The following GIGYF2 variants were observed in gnomAD, a reference collection of about 807,000 sequenced individuals.
GIGYF2 encodes GRB10-interacting GYF protein 2.
In GIGYF2, 25 loss-of-function variants were observed where a neutral mutation model predicts 208.1. That is an observed-to-expected ratio of 0.12 (90% CI 0.09 to 0.17). The LOEUF is 0.17. Among genes scored for constraint, GIGYF2 ranks in the 10% least tolerant of loss-of-function variants. The pLI is 1.00. For synonymous variants in GIGYF2, 534 were observed against 543.8 expected, an observed-to-expected ratio of 0.98 and a Z score of 0.25; for missense variants, 1,302 against 1,579.4, an observed-to-expected ratio of 0.82 and a Z score of 2.98.
At chr2:232,758,742 C>T (rs989557588) in intron 6 of GIGYF2, among the ~76,000 whole-genome samples, 1 of 152,082 alleles carries the variant, frequency 6.6e-6, no homozygotes, top group Non-Finnish European at 1.5e-5. Flanking sequence ...TTATATGTTT[C>T]TGGAATAAAA....
At chr2:232,805,082 A>G (rs2106378728) in intron 14 of GIGYF2, among the ~76,000 whole-genome samples, 1 of 152,256 alleles carries the variant, frequency 6.6e-6, no homozygotes, top group South Asian at 2.1e-4. Context: ...CGAGCAGTAT[A>G]CACTGAATAT....
At chr2:232,754,791 T>C (rs1698467832) in intron 5 of GIGYF2, among the ~76,000 whole-genome samples, 1 of 152,130 alleles carries the variant, frequency 6.6e-6, no homozygotes, top group Admixed American at 6.5e-5. Flanking sequence ...AGAAATATAA[T>C]TTTTGAGTTT....
chr2:232,740,274 AT>A (rs1041412768), intron 3 of GIGYF2, among the ~76,000 whole-genome samples: 2 of 152,206 alleles, frequency 1.3e-5, no homozygotes, highest in Non-Finnish European at 2.9e-5. Flanking sequence ...CTGGGACAAC[AT>A]AGTGAGAACC....
At chr2:232,777,385 GTGC>G (rs1351577932) in intron 8 of GIGYF2, among the ~76,000 whole-genome samples, 1 of 152,162 alleles carries the variant, frequency 6.6e-6, no homozygotes, top group Non-Finnish European at 1.5e-5. Flanking sequence ...ACCCTGAAAC[GTGC>G]TGTGGTATGG....
At chr2:232,757,204 G>T (rs1039507049) in intron 6 of GIGYF2, among the ~76,000 whole-genome samples, 1 of 147,356 alleles carries the variant, frequency 6.8e-6, no homozygotes, top group African/African-American at 2.7e-5. Flanking sequence ...GCATTCAATT[G>T]TGCATTCCTG....
At chr2:232,827,568 T>A (rs929353196) in intron 21 of GIGYF2, among the ~76,000 whole-genome samples, 1 of 152,250 alleles carries the variant, frequency 6.6e-6, no homozygotes, top group African/African-American at 2.4e-5. Context: ...TATGCTTGGT[T>A]GGTAGCAATA....
chr2:232,728,536 T>A (rs1013403269), intron 2 of GIGYF2, among the ~76,000 whole-genome samples: 7 of 152,184 alleles, frequency 4.6e-5, no homozygotes, highest in Non-Finnish European at 8.8e-5. Flanking sequence ...TGAGACTGGC[T>A]GACCAGTAAA....
In GIGYF2 at chr2:232,779,453, C is replaced by T. The variant is rs146520057; in HGVS notation, c.533-7697C>T. ...AACAGTAAAATCTTCAGTTGGAGTG[C>T]GATTTCTGGCCTATGTAAGTAGGTA... On this transcript the variant is annotated intron_variant, in intron 8 of 28. Coordinates refer to ENST00000373563, the MANE Select transcript of GIGYF2 (RefSeq NM_001103146.3). Among the ~76,000 whole-genome samples, 828 of 152,160 alleles carry T rather than the reference C, an allele frequency of 5.4e-3. 39 individuals carry two copies. Among genetic ancestry groups the T allele is most frequent in the Admixed American group, 0.047 (724 of 15,280 alleles).
At position 232,845,981 on chromosome 2, in the gene GIGYF2, A is replaced by T. The variant is rs1701989911; in HGVS notation, c.3460+95A>T. On this transcript the variant is annotated intron_variant, in intron 26 of 28. Coordinates refer to ENST00000373563, the MANE Select transcript of GIGYF2 (RefSeq NM_001103146.3). ...TGAACAGTGGGCCAAAAGTCAAAAG[A>T]TGAAATCTAAGGAGGTCAACTGCTG... 3.6e-6 allele frequency: 3 copies of T among 824,232 alleles called. No individual in the cohort carries two copies. In the South Asian group the frequency reaches 4.3e-5, roughly 12 times the overall value. 51.1% of individuals were successfully genotyped at this position (824,232 alleles called of 1,614,324 possible).
chr2:232,839,963 C>G lies in GIGYF2; in HGVS notation c.2881C>G (p.Arg961Gly). The G allele has an allele frequency of 6.2e-7, 1 of 1,613,782 alleles. No homozygotes were observed. The highest frequency in any genetic ancestry group is 1.1e-5 in the South Asian group (1 of 91,084). The part of the protein sequence containing the change: ...KLEEERERQL[R>G]EEQRRQQREL... ...AGAGGAAGAACGAGAACGGCAGCTT[C>G]GAGAAGAGGTAAAATTTTAAAGTAA... is the stretch of plus-strand genomic sequence containing the variant. Residue 961 changes from arginine to glycine, a missense_variant, in exon 23 of 29, where the codon CGA becomes GGA. Around this residue, in one of 8 missense-constraint regions of GIGYF2, gnomAD observed 701 missense variants for 793.0 expected, o/e 0.88. Coordinates refer to ENST00000373563, the MANE Select transcript of GIGYF2 (RefSeq NM_001103146.3).
intron 8 of GIGYF2, among the ~76,000 whole-genome samples, chr2:232,784,881 C>T (rs1273749534): frequency 2.0e-5 from 3 of 151,856 alleles, no homozygotes; most frequent in Non-Finnish European, 4.4e-5. Flanking sequence ...AGGGTGGATC[C>T]CTCATCCCCT....
At chr2:232,711,475 T>C (rs1401480990) in intron 2 of GIGYF2, among the ~76,000 whole-genome samples, 3 of 151,608 alleles carry the variant, frequency 2.0e-5, no homozygotes, top group Non-Finnish European at 2.9e-5. Context: ...TATTTAAAAA[T>C]AACAAACTCA....
At chr2:232,746,834 A>G (rs758252405) in intron 3 of GIGYF2, among the ~76,000 whole-genome samples, 2 of 152,188 alleles carry the variant, frequency 1.3e-5, no homozygotes, top group Non-Finnish European at 2.9e-5. Context: ...ATTGTGATAA[A>G]CACCCATGTA....
In GIGYF2 at chr2:232,749,023, A is replaced by G. The variant is rs371199763; in HGVS notation, c.208A>G (p.Ile70Val). 3.2e-5 allele frequency: 52 copies of G among 1,605,292 alleles called. No homozygotes were observed. The highest frequency in any genetic ancestry group is 5.3e-5 in the African/African-American group (4 of 74,858). The change falls in exon 5 of 29, where the codon ATC (isoleucine) becomes GTC (valine). Residue 70 changes from isoleucine (I) to valine (V), a missense_variant. Ile to Val is a conservative substitution (Grantham distance 29, BLOSUM62 3). Transcript: ENST00000373563. ...SDLLDKEFLP[I>V]LQEEPLPPLA... ...CCTTCTGGATAAAGAATTTCTGCCT[A>G]TCCTCCAGGAGGAACCCCTTCCACC...
At chr2:232,828,729 C>T (rs1270837272) in intron 21 of GIGYF2, 1 of 152,142 alleles carries the variant, frequency 6.6e-6, no homozygotes, top group Non-Finnish European at 1.5e-5. Flanking sequence ...CAACCCCCCA[C>T]TGCTGAATCT....
intron 3 of GIGYF2, among the ~76,000 whole-genome samples, chr2:232,743,948 C>T (rs1559398401): frequency 6.6e-6 from 1 of 152,066 alleles, no homozygotes; most frequent in Non-Finnish European, 1.5e-5. Flanking sequence ...GAGGCTCAAG[C>T]GATCTTCCCA....
chr2:232,840,245 G>T (rs187275653), intron 23 of GIGYF2, among the ~76,000 whole-genome samples: 1 of 152,306 alleles, frequency 6.6e-6, no homozygotes, highest in Non-Finnish European at 1.5e-5. Flanking sequence ...AACTACACGG[G>T]TTGTTCAAAA....
At chr2:232,768,058 T>C in intron 8 of GIGYF2, 1 of 822,674 alleles carries the variant, frequency 1.2e-6, no homozygotes, top group South Asian at 1.6e-5. Context: ...CATTCTTATG[T>C]AGGCATAGGC....
rs1196954858 is a variant in GIGYF2 at position 232,858,425 on chromosome 2, T to A, written c.*1565T>A. On this transcript the variant is annotated 3_prime_UTR_variant, in exon 29 of 29. Transcript: ENST00000373563. ...ATACAGAGACTGCTACAAAATTGTA[T>A]ATAGTTTTTGGATCAAATAGCATGA... The A allele has an allele frequency of 4.5e-6, 2 of 448,742 alleles. No homozygotes were observed. The highest frequency in any genetic ancestry group is 1.4e-4 in the East Asian group (2 of 14,376). The allele number at this position is 448,742 out of a possible 1,614,324, so 27.8% of individuals were successfully genotyped here. A position where few individuals can be genotyped will look rare whatever the true frequency, so the allele number is the denominator to read the frequency against.
Sources: gnomAD v4.1 joint callset for allele counts (sites outside exome capture counted in the v4.1 genomes callset) on GRCh38, gnomAD v4.1.1 for gene constraint, gnomAD v4.1.1 regional missense constraint, MANE v1.5 for transcripts, NCBI Gene and HGNC (gene_info 2026-07-23, HGNC 2026-07-21) for gene names.